The following CDC42BPA variants were observed in gnomAD, a reference collection of about 807,000 sequenced individuals.
CDC42BPA encodes serine/threonine-protein kinase MRCK alpha.
Under a neutral mutation model 223.5 loss-of-function variants are expected in CDC42BPA, and 80 were observed. That is an observed-to-expected ratio of 0.36 (90% CI 0.30 to 0.43). The LOEUF is 0.43. Among genes scored for constraint, CDC42BPA ranks in the 20% least tolerant of loss-of-function variants. The pLI is 1.00. For synonymous variants in CDC42BPA, 694 were observed against 718.6 expected, an observed-to-expected ratio of 0.97 and a Z score of 0.55; for missense variants, 1,743 against 2,099.9, an observed-to-expected ratio of 0.83 and a Z score of 3.32.
chr1:227,194,823 T>TA (rs1670401009), intron 4 of CDC42BPA, among the ~76,000 whole-genome samples: 1 of 152,238 alleles, frequency 6.6e-6, no homozygotes, highest in Non-Finnish European at 1.5e-5. Context: ...CTCCATGTTG[T>TA]AAGTGGATGT....
chr1:227,073,929 T>C lies in CDC42BPA; in HGVS notation c.2670A>G (p.Ile890Met). The C allele has an allele frequency of 1.2e-6, 2 of 1,611,330 alleles. No individual in the cohort carries two copies. The highest frequency in any genetic ancestry group is 1.7e-6 in the Non-Finnish European group (2 of 1,179,178). ...LELQSALDAE[I>M]RAKQAIQEEL... The stretch of plus-strand genomic sequence containing the variant: ...CTTCTTGGATGGCCTGTTTGGCTCT[T>C]ATTTCTGCATCCAGAGCCGACTGCA... The change falls in exon 19 of 37, where the codon ATA (isoleucine) becomes ATG (methionine). Residue 890 changes from isoleucine (I) to methionine (M), a missense_variant. Ile to Met is a conservative substitution (Grantham distance 10). This residue lies in a region of CDC42BPA where 36 missense variants were observed against 71.9 expected (regional missense o/e 0.50). Transcript: ENST00000366766.
intron 2 of CDC42BPA, among the ~76,000 whole-genome samples, chr1:227,220,311 T>TATATACAC (rs1210485137): frequency 3.6e-4 from 18 of 49,530 alleles, no homozygotes; most frequent in African/African-American, 8.6e-4. Context: ...TATATATATA[T>TATATACAC]ACACACACAC....
intron 4 of CDC42BPA, among the ~76,000 whole-genome samples, chr1:227,196,338 C>CTTTTCTTTTT (rs1670685632): frequency 1.1e-5 from 1 of 92,352 alleles, no homozygotes; most frequent in South Asian, 4.0e-4. Context: ...TTAAACAATA[C>CTTTTCTTTTT]TTTTTTTTTT....
At chr1:227,072,970 A>G (rs1291409145) in intron 19 of CDC42BPA, among the ~76,000 whole-genome samples, 1 of 152,122 alleles carries the variant, frequency 6.6e-6, no homozygotes, top group African/African-American at 2.4e-5. Context: ...CAATGTCTGC[A>G]TTATTTATAG....
At chr1:227,028,135 A>G (rs1015188680) in intron 30 of CDC42BPA, among the ~76,000 whole-genome samples, 2 of 151,574 alleles carry the variant, frequency 1.3e-5, no homozygotes, top group African/African-American at 4.8e-5. Flanking sequence ...AAAAAAAAAA[A>G]GTATTCAATA....
At chr1:227,316,593 A>G (rs1694436990) in intron 1 of CDC42BPA, among the ~76,000 whole-genome samples, 4 of 152,240 alleles carry the variant, frequency 2.6e-5, no homozygotes, top group Admixed American at 2.6e-4. Context: ...ATATTTTAAT[A>G]TCTCCTCCTA....
At chr1:227,137,910 T>A (rs1454427966) in intron 10 of CDC42BPA, among the ~76,000 whole-genome samples, 2 of 152,090 alleles carry the variant, frequency 1.3e-5, no homozygotes, top group African/African-American at 4.8e-5. Flanking sequence ...GCTGGACATA[T>A]TCTACACATG....
intron 1 of CDC42BPA, among the ~76,000 whole-genome samples, chr1:227,302,302 C>T (rs1201418523): frequency 6.6e-6 from 1 of 152,162 alleles, no homozygotes; most frequent in Middle Eastern, 3.2e-3. Flanking sequence ...GCTCCTTATC[C>T]TAAGTAAACC....
At chr1:227,104,998 T>C (rs1685661886) in intron 14 of CDC42BPA, among the ~76,000 whole-genome samples, 1 of 152,180 alleles carries the variant, frequency 6.6e-6, no homozygotes, top group African/African-American at 2.4e-5. Context: ...CAGCATCATA[T>C]ATAACAACTT....
chr1:227,059,366 C>T, intron 21 of CDC42BPA: 1 of 1,561,190 alleles, frequency 6.4e-7, no homozygotes, highest in African/African-American at 1.4e-5. Context: ...GTGCAAAAGT[C>T]TCTTACACGT....
At chr1:227,113,053 GAACAGA>G in intron 12 of CDC42BPA, 140 bp from the exon 13 acceptor site, 1 of 747,688 alleles carries the variant, frequency 1.3e-6, no homozygotes. Context: ...AACTACTTCT[GAACAGA>G]TATTAACGGC....
At chr1:227,221,602 CTT>C (rs71281006) in intron 2 of CDC42BPA, among the ~76,000 whole-genome samples, 14 of 102,112 alleles carry the variant, frequency 1.4e-4, no homozygotes, top group Admixed American at 2.5e-4. Flanking sequence ...AAATAATAGG[CTT>C]TTTTTTTTTT....
At position 227,129,702 on chromosome 1, in the gene CDC42BPA, C is replaced by CAT. The variant is rs1196658904; in HGVS notation, c.1391-473_1391-472dup. Among the ~76,000 whole-genome samples the CAT allele has an allele frequency of 2.4e-3, 169 of 70,920 alleles. 5 individuals are homozygous for CAT. The highest frequency in any genetic ancestry group is 3.1e-3 in the African/African-American group (55 of 17,860). The allele number at this position is 70,920 out of a possible 152,430, so 46.5% of individuals were successfully genotyped here. A position where few individuals can be genotyped will look rare whatever the true frequency, so the allele number is the denominator to read the frequency against. ...AAAAAAAAAAAAAAAAAATCCACTG[C>CAT]ATATATATATATACAAAAGAATCCA... On this transcript the variant is annotated intron_variant, in intron 10 of 36. Transcript: ENST00000366766.
intron 1 of CDC42BPA, chr1:227,265,056 GA>G: frequency 2.6e-6 from 2 of 779,064 alleles, no homozygotes; most frequent in Non-Finnish European, 4.8e-6. Context: ...GACGCAGCAG[GA>G]AAAAAATCCT....
At chr1:227,305,672 TATC>T (rs1280116086) in intron 1 of CDC42BPA, among the ~76,000 whole-genome samples, 1 of 152,078 alleles carries the variant, frequency 6.6e-6, no homozygotes, top group Non-Finnish European at 1.5e-5. Context: ...GCCATTAAAA[TATC>T]ATAGCATCTG....
chr1:227,068,256 GT>G (rs1236588332), intron 21 of CDC42BPA, among the ~76,000 whole-genome samples: 1 of 151,306 alleles, frequency 6.6e-6, no homozygotes, highest in Non-Finnish European at 1.5e-5. Flanking sequence ...ACCACCAGAG[GT>G]TTATTTTTAA....
Position 227,132,211 on chromosome 1 carries a change from T to C in CDC42BPA, c.1391-2980A>G, listed in dbSNP as rs533697497. Among the ~76,000 whole-genome samples, 303 of 151,932 alleles carry C rather than the reference T, an allele frequency of 2.0e-3. 1 individual carries two copies. The highest frequency in any genetic ancestry group is 7.0e-3 in the African/African-American group (292 of 41,512). On this transcript the variant is annotated intron_variant, in intron 10 of 36. Transcript: ENST00000366766. ...CCGAGCCAAAGCTGGAGAGTACTGC[T>C]ACCATCTCGGCTCACTGCAACCTCC...
At chr1:227,160,841 G>C (rs1401657843) in intron 5 of CDC42BPA, among the ~76,000 whole-genome samples, 1 of 152,068 alleles carries the variant, frequency 6.6e-6, no homozygotes, top group Non-Finnish European at 1.5e-5. Context: ...TATTCTTCTA[G>C]AGATAAAAAG....
At chr1:227,109,401 T>C (rs1686513135) in intron 14 of CDC42BPA, among the ~76,000 whole-genome samples, 1 of 152,168 alleles carries the variant, frequency 6.6e-6, no homozygotes, top group African/African-American at 2.4e-5. Flanking sequence ...AGTCTCACTC[T>C]GTCACCCAGG....
Sources: gnomAD v4.1 joint callset for allele counts (sites outside exome capture counted in the v4.1 genomes callset) on GRCh38, gnomAD v4.1.1 for gene constraint, gnomAD v4.1.1 regional missense constraint, MANE v1.5 for transcripts, NCBI Gene and HGNC (gene_info 2026-07-23, HGNC 2026-07-21) for gene names.